The following SFXN5 variants were observed in gnomAD, a reference collection of about 807,000 sequenced individuals.
SFXN5 encodes sideroflexin-5.
In SFXN5, 43 loss-of-function variants were observed where a neutral mutation model predicts 50.2. The ratio of observed to expected loss-of-function variants is 0.86; its 90% CI spans 0.67 to 1.11. The LOEUF (loss-of-function observed/expected upper bound fraction) is 1.11. SFXN5 is among the 50% of genes least tolerant of loss of function. The pLI is 0.00. For synonymous variants in SFXN5, 203 were observed against 185.8 expected (o/e 1.09, Z -0.75); for missense variants, 463 against 454.1 (o/e 1.02, Z -0.18).
intron 10 of SFXN5, among the ~76,000 whole-genome samples, chr2:72,978,428 G>A (rs186831931): frequency 8.1e-4 from 123 of 151,694 alleles, no homozygotes; most frequent in African/African-American, 2.7e-3. Context: ...AATTACAGGC[G>A]CCCACCACCA....
In SFXN5 at chr2:72,973,567, G is replaced by A. The variant is rs952245514; in HGVS notation, c.626-1882C>T. The stretch of plus-strand genomic sequence containing the variant: ...CTTGTTTTCACCACAGTCAGTGACA[G>A]ACAGAATTAGGAAGCTGAATCCAAG... On this transcript the variant is annotated intron_variant, in intron 10 of 13. Transcript: ENST00000272433. This position sits in a 1 kb window ranked among gnomAD's most constrained non-coding sequence, Gnocchi z 5.5. 3 of 167,342 alleles carry A rather than the reference G, an allele frequency of 1.8e-5. No homozygotes were observed. Among genetic ancestry groups the A allele is most frequent in the African/African-American group, 4.8e-5 (2 of 41,526 alleles). 10.4% of individuals were successfully genotyped at this position (167,342 alleles called of 1,614,324 possible).
At chr2:72,947,448 C>T (rs902847141) in intron 13 of SFXN5, among the ~76,000 whole-genome samples, 7 of 152,328 alleles carry the variant, frequency 4.6e-5, no homozygotes, top group South Asian at 2.1e-4. Flanking sequence ...AGGTCCCCGC[C>T]GGACATTTGC....
intron 6 of SFXN5, among the ~76,000 whole-genome samples, chr2:73,004,878 CTTTTT>C (rs1176346797): frequency 2.0e-5 from 3 of 152,162 alleles, no homozygotes; most frequent in African/African-American, 7.2e-5. Context: ...TTCCTTTTTT[CTTTTT>C]AAGTCTAAAT....
chr2:73,051,036 T>C (rs1203086261), intron 2 of SFXN5, among the ~76,000 whole-genome samples: 1 of 152,202 alleles, frequency 6.6e-6, no homozygotes, highest in Non-Finnish European at 1.5e-5. Context: ...ACAGGCATAA[T>C]TTGGCCAAGT....
chr2:72,978,119 T>G (rs1403710103), intron 10 of SFXN5, among the ~76,000 whole-genome samples: 1 of 152,048 alleles, frequency 6.6e-6, no homozygotes, highest in Non-Finnish European at 1.5e-5. Flanking sequence ...GAATTTTTTT[T>G]TGTGGATGGT....
At chr2:72,988,188 G>C in intron 10 of SFXN5, 70 bp downstream of exon 10, 1 of 1,431,200 alleles carries the variant, frequency 7.0e-7, no homozygotes, top group African/African-American at 1.4e-5. Context: ...AGGGTCATCT[G>C]TCTCCCTGGG....
chr2:73,039,874 A>G (rs990344188), intron 3 of SFXN5, among the ~76,000 whole-genome samples: 2 of 151,646 alleles, frequency 1.3e-5, no homozygotes, highest in African/African-American at 4.8e-5. Flanking sequence ...GCAGTGGCGC[A>G]GTCTCGGCTC....
At chr2:72,979,975 C>T (rs563162692) in intron 10 of SFXN5, among the ~76,000 whole-genome samples, 1 of 152,166 alleles carries the variant, frequency 6.6e-6, no homozygotes, top group Admixed American at 6.5e-5. Context: ...AGAAATAGAG[C>T]CATTTTCATT....
At chr2:73,019,554 G>C (rs571030778) in intron 6 of SFXN5, 1 of 150,426 alleles carries the variant, frequency 6.6e-6, no homozygotes, top group Non-Finnish European at 1.5e-5. Flanking sequence ...TCAGCCTTCC[G>C]AGTAGCTGGG....
intron 2 of SFXN5, among the ~76,000 whole-genome samples, chr2:73,042,132 A>AT (rs1478814898): frequency 6.6e-6 from 1 of 152,206 alleles, no homozygotes; most frequent in Non-Finnish European, 1.5e-5. Flanking sequence ...AAACCGTATG[A>AT]TTTTTTAAGT....
At chr2:73,032,669 T>C (rs1280621292) in intron 3 of SFXN5, among the ~76,000 whole-genome samples, 1 of 152,002 alleles carries the variant, frequency 6.6e-6, no homozygotes. Context: ...CCAATCTGGC[T>C]CGCTCCCCTT....
At chr2:73,031,306 C>G (rs1678268249) in intron 3 of SFXN5, among the ~76,000 whole-genome samples, 3 of 152,192 alleles carry the variant, frequency 2.0e-5, no homozygotes, top group South Asian at 4.1e-4. Context: ...TGCTGTGAGC[C>G]AGTGCAAGGA....
chr2:72,943,013 A>C lies in SFXN5; in HGVS notation c.*2009T>G, dbSNP rs1415604837. ...GGCCTAGAGACCAGCACAGCGCAGC[A>C]GTCACTGGCATATTCACATTATGGT... On this transcript the variant is annotated 3_prime_UTR_variant, in exon 14 of 14. Transcript: ENST00000272433. The C allele has an allele frequency of 6.6e-6, 1 of 152,306 alleles. No homozygotes were observed. Among genetic ancestry groups the C allele is most frequent in the East Asian group, 1.9e-4 (1 of 5,194 alleles). 9.4% of individuals were successfully genotyped at this position (152,306 alleles called of 1,614,324 possible). A position where few individuals can be genotyped will look rare whatever the true frequency, so the allele number is the denominator to read the frequency against.
intron 3 of SFXN5, among the ~76,000 whole-genome samples, chr2:73,026,924 C>G (rs1677633611): frequency 6.6e-6 from 1 of 152,068 alleles, no homozygotes; most frequent in South Asian, 2.1e-4. Context: ...AGATGGAGTT[C>G]ACCATGTTGG....
intron 10 of SFXN5, among the ~76,000 whole-genome samples, chr2:72,981,814 T>G (rs1308892991): frequency 1.3e-5 from 2 of 152,232 alleles, no homozygotes; most frequent in African/African-American, 4.8e-5. Flanking sequence ...GATCTAATTA[T>G]CCCCGCCCTT....
chr2:73,065,720 A>G (rs1469087627), intron 1 of SFXN5, among the ~76,000 whole-genome samples: 4 of 150,388 alleles, frequency 2.7e-5, no homozygotes, highest in Non-Finnish European at 5.9e-5. Flanking sequence ...TTGAAGGGCT[A>G]TTTTTTGTAT....
At chr2:72,946,213 T>G (rs1431460371) in intron 13 of SFXN5, among the ~76,000 whole-genome samples, 1 of 152,054 alleles carries the variant, frequency 6.6e-6, no homozygotes, top group Admixed American at 6.6e-5. Context: ...GAACCTTCTC[T>G]GATGACACCT....
chr2:73,015,635 A>G (rs992740324), intron 6 of SFXN5, among the ~76,000 whole-genome samples: 2 of 152,084 alleles, frequency 1.3e-5, no homozygotes, highest in Non-Finnish European at 2.9e-5. Flanking sequence ...TTTGCTTTTG[A>G]AAGCTTTATA....
intron 2 of SFXN5, among the ~76,000 whole-genome samples, chr2:73,047,467 G>A (rs961937344): frequency 1.3e-5 from 2 of 150,466 alleles, no homozygotes; most frequent in African/African-American, 4.9e-5. Flanking sequence ...GTTTGGCTGT[G>A]TCTCTACCAA....
Sources: allele counts gnomAD v4.1 joint callset (sites outside exome capture counted in the v4.1 genomes callset), GRCh38; gene constraint gnomAD v4.1.1; non-coding constraint Gnocchi (gnomAD v3.1); transcripts MANE v1.5; gene names NCBI Gene and HGNC (gene_info 2026-07-23, HGNC 2026-07-21).